The following SLC24A3 variants were observed in gnomAD, a reference collection of about 807,000 sequenced individuals.
The protein encoded by SLC24A3 is solute carrier family 24 member 3, also known as sodium/potassium/calcium exchanger 3.
Under a neutral mutation model 75.8 loss-of-function variants are expected in SLC24A3, and 28 were observed. The observed-to-expected ratio is 0.37, with a 90% CI of 0.27 to 0.51. SLC24A3 has a LOEUF of 0.51. Ranked by LOEUF, SLC24A3 falls within the 20% of genes least tolerant of loss-of-function variation. SLC24A3 has a pLI of 0.94. For synonymous variants in SLC24A3, 372 were observed against 334.1 expected, an observed-to-expected ratio of 1.11 and a Z score of -1.24; for missense variants, 663 against 847.8, an observed-to-expected ratio of 0.78 and a Z score of 2.71.
At chr20:19,345,603 C>CA (rs1985374402) in intron 2 of SLC24A3, among the ~76,000 whole-genome samples, 1 of 152,086 alleles carries the variant, frequency 6.6e-6, no homozygotes, top group African/African-American at 2.4e-5. Flanking sequence ...AAAAAACAAA[C>CA]AATCCCATCA....
At chr20:19,395,821 G>A (rs1986443897) in intron 2 of SLC24A3, among the ~76,000 whole-genome samples, 1 of 152,178 alleles carries the variant, frequency 6.6e-6, no homozygotes, top group African/African-American at 2.4e-5. Flanking sequence ...TGTACTTGGG[G>A]AATAATGAAG....
chr20:19,469,899 A>T (rs1258384125), intron 2 of SLC24A3, among the ~76,000 whole-genome samples: 1 of 152,162 alleles, frequency 6.6e-6, no homozygotes, highest in East Asian at 1.9e-4. Flanking sequence ...CTTCAAACCT[A>T]AAATTATTCC....
chr20:19,236,195 G>T (rs1226325198), intron 1 of SLC24A3, among the ~76,000 whole-genome samples: 8 of 152,186 alleles, frequency 5.3e-5, no homozygotes, highest in Admixed American at 4.6e-4. Flanking sequence ...TGCTTTGAAG[G>T]CACCTAGAGT....
intron 15 of SLC24A3, among the ~76,000 whole-genome samples, chr20:19,717,271 A>G (rs2033054802): frequency 1.3e-5 from 2 of 152,344 alleles, no homozygotes; most frequent in African/African-American, 2.4e-5. Context: ...CACTCCAGCC[A>G]GGGGCCTGCT....
intron 1 of SLC24A3, among the ~76,000 whole-genome samples, chr20:19,237,070 C>A (rs866606902): frequency 3.3e-5 from 5 of 152,188 alleles, no homozygotes; most frequent in Admixed American, 1.3e-4. Flanking sequence ...GAAATGATGA[C>A]AATGAGAAAT....
chr20:19,300,827 C>T (rs1984177918), intron 2 of SLC24A3, among the ~76,000 whole-genome samples: 1 of 152,050 alleles, frequency 6.6e-6, no homozygotes, highest in African/African-American at 2.4e-5. Context: ...AGCTGTTTCG[C>T]CCTCAACAGG....
At position 19,655,177 on chromosome 20, in the gene SLC24A3, C is replaced by A. The variant is rs141038464; in HGVS notation, c.687+1041C>A. Among the ~76,000 whole-genome samples the A allele has an allele frequency of 9.8e-5, 15 of 152,328 alleles. No homozygotes were observed. In the East Asian group the frequency reaches 2.7e-3, roughly 27 times the overall value. ...TCTCTGCATTGCCGGCCTGACGCAGCAGCTGCTGCAGTTCATTGCGGGTCA... is the reference window on the plus strand; with the variant it reads ...TCTCTGCATTGCCGGCCTGACGCAGAAGCTGCTGCAGTTCATTGCGGGTCA... On this transcript the variant is annotated intron_variant, in intron 7 of 16. Coordinates refer to ENST00000328041, the MANE Select transcript of SLC24A3 (RefSeq NM_020689.4).
intron 1 of SLC24A3, among the ~76,000 whole-genome samples, chr20:19,252,071 G>C (rs1982674147): frequency 6.6e-6 from 1 of 152,144 alleles, no homozygotes; most frequent in African/African-American, 2.4e-5. Context: ...CCAGCAGCAT[G>C]GATTTGAAAT....
intron 1 of SLC24A3, among the ~76,000 whole-genome samples, chr20:19,234,598 G>A (rs1042578614): frequency 2.6e-5 from 4 of 152,118 alleles, no homozygotes; most frequent in Non-Finnish European, 5.9e-5. Context: ...TTATGAGATG[G>A]GATCCAGCTT....
At chr20:19,346,159 TGTATATATATGGTATATATATATG>T (rs1568595700) in intron 2 of SLC24A3, among the ~76,000 whole-genome samples, 1 of 70,856 alleles carries the variant, frequency 1.4e-5, no homozygotes, top group Non-Finnish European at 2.4e-5. Flanking sequence ...ATATATATGG[TGTATATATATGGTATATATATATG>T]GTGTATATAT....
chr20:19,460,522 G>A (rs976726797), intron 2 of SLC24A3, among the ~76,000 whole-genome samples: 7 of 152,244 alleles, frequency 4.6e-5, no homozygotes, highest in Admixed American at 6.5e-5. Flanking sequence ...TTTCTTCTGC[G>A]TGCTTTGTGG....
intron 3 of SLC24A3, among the ~76,000 whole-genome samples, chr20:19,558,008 G>A (rs1408714309): frequency 8.5e-5 from 13 of 152,150 alleles, no homozygotes; most frequent in Non-Finnish European, 1.2e-4. Context: ...TGGGTGGATG[G>A]ATGATGTTAA....
intron 2 of SLC24A3, among the ~76,000 whole-genome samples, chr20:19,339,405 A>T (rs1283076586): frequency 6.6e-6 from 1 of 152,210 alleles, no homozygotes; most frequent in East Asian, 1.9e-4. Flanking sequence ...GCTATCACTC[A>T]GTCTATATAA....
At chr20:19,317,261 C>T (rs1568587366) in intron 2 of SLC24A3, among the ~76,000 whole-genome samples, 1 of 152,134 alleles carries the variant, frequency 6.6e-6, no homozygotes. Context: ...TAGGCATGGG[C>T]AAAGATTTCA....
chr20:19,318,286 A>T (rs1479950605), intron 2 of SLC24A3, among the ~76,000 whole-genome samples: 1 of 151,928 alleles, frequency 6.6e-6, no homozygotes. Context: ...CAAATACATT[A>T]CTCTCAGTGT....
intron 6 of SLC24A3, among the ~76,000 whole-genome samples, chr20:19,640,711 C>T (rs2032066798): frequency 2.0e-5 from 3 of 152,186 alleles, no homozygotes; most frequent in South Asian, 4.1e-4. Flanking sequence ...GATCATGCCA[C>T]TACACTCCAG....
At chr20:19,688,537 C>T (rs2032707200) in intron 12 of SLC24A3, among the ~76,000 whole-genome samples, 1 of 152,234 alleles carries the variant, frequency 6.6e-6, no homozygotes, top group Admixed American at 6.5e-5. Flanking sequence ...TCGGGTGCTT[C>T]CGGCCAGCAG....
chr20:19,433,703 G>GA (rs1372243154), intron 2 of SLC24A3, among the ~76,000 whole-genome samples: 1 of 152,172 alleles, frequency 6.6e-6, no homozygotes, highest in East Asian at 1.9e-4. Flanking sequence ...AACTGCCACT[G>GA]AAAAAATAGT....
chr20:19,585,621 T>A, intron 6 of SLC24A3, 77 bp downstream of exon 6: 2 of 1,400,604 alleles, frequency 1.4e-6, no homozygotes, highest in Non-Finnish European at 2.0e-6. Context: ...GGCAGGAGAC[T>A]GTCTTGCTGG....
Sources: allele counts gnomAD v4.1 joint callset (sites outside exome capture counted in the v4.1 genomes callset), GRCh38; gene constraint gnomAD v4.1.1; transcripts MANE v1.5; gene names NCBI Gene and HGNC (gene_info 2026-07-23, HGNC 2026-07-21).